The following WDR7 variants were observed in gnomAD, a reference collection of about 807,000 sequenced individuals.
WDR7 encodes WD repeat domain 7, also known as WD repeat-containing protein 7.
A neutral mutation model predicts 169.4 loss-of-function variants in WDR7; 46 were observed. The ratio of observed to expected loss-of-function variants is 0.27; its 90% confidence interval spans 0.21 to 0.35. The LOEUF is 0.35. WDR7 is among the 10% of genes least tolerant of loss of function. The pLI is 1.00. For missense variants in WDR7, 1,534 were observed against 1,859.3 expected, an observed-to-expected ratio of 0.83 and a Z score of 3.22; for synonymous variants, 612 against 666.8, an observed-to-expected ratio of 0.92 and a Z score of 1.27.
chr18:56,830,943 C>G (rs2045297770), intron 20 of WDR7, among the ~76,000 whole-genome samples: 1 of 152,140 alleles, frequency 6.6e-6, no homozygotes, highest in Non-Finnish European at 1.5e-5. Flanking sequence ...CTGACCTCCT[C>G]TAGCACACTT....
chr18:56,912,508 C>A (rs2046566375), intron 21 of WDR7, among the ~76,000 whole-genome samples: 1 of 152,210 alleles, frequency 6.6e-6, no homozygotes, highest in Admixed American at 6.5e-5. Flanking sequence ...TTTACCTTCT[C>A]TGCTTTCTCA....
chr18:56,974,362 CTTT>C (rs34901751), intron 26 of WDR7, among the ~76,000 whole-genome samples: 2 of 111,804 alleles, frequency 1.8e-5, no homozygotes, highest in African/African-American at 3.5e-5. Context: ...GCTTTTCTTG[CTTT>C]TTTTTTTTTT....
At chr18:56,701,096 A>G (rs1343842918) in intron 12 of WDR7, among the ~76,000 whole-genome samples, 1 of 152,228 alleles carries the variant, frequency 6.6e-6, no homozygotes, top group Non-Finnish European at 1.5e-5. Context: ...ATGTGTTTAA[A>G]TGTTCCAAGA....
intron 26 of WDR7, among the ~76,000 whole-genome samples, chr18:56,973,920 A>G (rs190506601): frequency 6.6e-6 from 1 of 152,344 alleles, no homozygotes; most frequent in Admixed American, 6.5e-5. Flanking sequence ...GTGTAGGATC[A>G]TATAAAATGA....
chr18:56,878,999 T>G (rs1301475642), intron 20 of WDR7, among the ~76,000 whole-genome samples: 1 of 152,246 alleles, frequency 6.6e-6, no homozygotes, highest in Non-Finnish European at 1.5e-5. Flanking sequence ...CTGCGATTAC[T>G]TTTGCACCAA....
chr18:56,683,268 A>G (rs2025384385), intron 5 of WDR7, among the ~76,000 whole-genome samples: 1 of 152,194 alleles, frequency 6.6e-6, no homozygotes, highest in Non-Finnish European at 1.5e-5. Context: ...AGGAGAGATT[A>G]TACACAGTTA....
At position 56,936,976 on chromosome 18, in the gene WDR7, C is replaced by T. The variant is rs558099794; in HGVS notation, c.3831+1071C>T. ...AGCATAAATGGCCAATTTTATTAGTCTTGGAAGGTTTTTTTTGCCAGTTTT... is the reference window on the plus strand; with the variant it reads ...AGCATAAATGGCCAATTTTATTAGTTTTGGAAGGTTTTTTTTGCCAGTTTT... On this transcript the variant is annotated intron_variant, in intron 23 of 27. Transcript: ENST00000254442. Among the ~76,000 whole-genome samples, 40 of 151,804 alleles carry T rather than the reference C, an allele frequency of 2.6e-4. 1 individual carries two copies. Among genetic ancestry groups the T allele is most frequent in the African/African-American group, 9.5e-4 (39 of 41,234 alleles).
In WDR7 at chr18:56,787,962, T is replaced by C. The variant is rs544166316; in HGVS notation, c.3190+6306T>C. On this transcript the variant is annotated intron_variant, in intron 19 of 27. Transcript: ENST00000254442. Reference sequence around the variant, plus strand: ...TAGGGAGAGAGTTTGATAAACATGGTATGAGTCTTTCCCCCGCCCAAAGGC... The same window carrying C: ...TAGGGAGAGAGTTTGATAAACATGGCATGAGTCTTTCCCCCGCCCAAAGGC... 2.4e-4 allele frequency among the ~76,000 whole-genome samples: 37 copies of C among 152,318 alleles called. 1 individual carries two copies. The highest frequency in any genetic ancestry group is 8.4e-4 in the African/African-American group (35 of 41,562).
chr18:56,802,456 C>T (rs1377676977), intron 19 of WDR7, among the ~76,000 whole-genome samples: 2 of 151,846 alleles, frequency 1.3e-5, no homozygotes, highest in African/African-American at 4.8e-5. Flanking sequence ...CTCCTGGGTT[C>T]ATACCATTCT....
rs965166551 is a variant in WDR7, at chr18:56,780,141, A to G, written c.3066+592A>G. Among the ~76,000 whole-genome samples the G allele has an allele frequency of 2.6e-5, 4 of 152,322 alleles. No individual in the cohort carries two copies. In the South Asian group the frequency reaches 6.2e-4, roughly 24 times the overall value. ...AGATGATGCAAGTAAAACAGGAAGT[A>G]CAGTACCTGACACATGGTAGGAGCT... On this transcript the variant is annotated intron_variant, in intron 18 of 27. Transcript: ENST00000254442.
intron 25 of WDR7, 127 bp from the exon 26 acceptor site, chr18:56,962,303 A>G (rs1336744098): frequency 1.5e-5 from 8 of 518,284 alleles, no homozygotes; most frequent in Non-Finnish European, 2.7e-5. Context: ...TTTATTATGG[A>G]TATATTTATT....
intron 2 of WDR7, among the ~76,000 whole-genome samples, chr18:56,674,419 C>T (rs576660192): frequency 3.3e-5 from 5 of 151,776 alleles, no homozygotes; most frequent in East Asian, 3.9e-4. Context: ...TCTCATTGGC[C>T]GTTTGTATAT....
chr18:56,818,211 A>C (rs1200454940), intron 20 of WDR7, among the ~76,000 whole-genome samples: 3 of 152,256 alleles, frequency 2.0e-5, no homozygotes, highest in Non-Finnish European at 4.4e-5. Flanking sequence ...CCTTTGCAAT[A>C]GTAGAATAAC....
At position 56,681,727 on chromosome 18, in the gene WDR7, C is replaced by T. The variant is rs139948720; in HGVS notation, c.345+336C>T. On this transcript the variant is annotated intron_variant, in intron 4 of 27. Coordinates refer to ENST00000254442, the MANE Select transcript of WDR7 (RefSeq NM_015285.3). ...TAATGGAATTCTTCCTTGCAAAATC[C>T]TTTGTGATTCCACTTGTGATTGACA... is the stretch of plus-strand genomic sequence containing the variant. Among the ~76,000 whole-genome samples the T allele has an allele frequency of 1.2e-3, 182 of 152,318 alleles. No individual in the cohort carries two copies. The Middle Eastern group carries it at 0.014, about 11-fold the overall frequency.
chr18:56,727,771 G>T (rs764599998), intron 13 of WDR7, among the ~76,000 whole-genome samples: 1 of 152,100 alleles, frequency 6.6e-6, no homozygotes, highest in African/African-American at 2.4e-5. Context: ...GTCTTCTTAT[G>T]TGCAAATGTT....
At chr18:56,825,347 A>T (rs912027049) in intron 20 of WDR7, among the ~76,000 whole-genome samples, 1 of 152,240 alleles carries the variant, frequency 6.6e-6, no homozygotes, top group East Asian at 1.9e-4. Flanking sequence ...TATGTAAAAG[A>T]ACACATTGCA....
chr18:56,833,770 C>T (rs1452523575), intron 20 of WDR7, among the ~76,000 whole-genome samples: 1 of 152,150 alleles, frequency 6.6e-6, no homozygotes, highest in East Asian at 1.9e-4. Context: ...ACCAATCTTT[C>T]CCGTCTCAAA....
At chr18:56,943,982 G>GTTTTTTTTTT (rs397858369) in intron 25 of WDR7, among the ~76,000 whole-genome samples, 3 of 78,756 alleles carry the variant, frequency 3.8e-5, no homozygotes, top group African/African-American at 6.2e-5. Context: ...TGTTTTGTGG[G>GTTTTTTTTTT]TTTTTTTTTT....
intron 27 of WDR7, among the ~76,000 whole-genome samples, chr18:57,021,440 C>G (rs145974947): frequency 6.6e-6 from 1 of 152,298 alleles, no homozygotes; most frequent in Non-Finnish European, 1.5e-5. Context: ...TCCTAGTGTT[C>G]ACCTCATGTC....
Sources: allele counts gnomAD v4.1 joint callset (sites outside exome capture counted in the v4.1 genomes callset), GRCh38; gene constraint gnomAD v4.1.1; transcripts MANE v1.5; gene names NCBI Gene and HGNC (gene_info 2026-07-23, HGNC 2026-07-21).